SLC24A4: variants seen among roughly 807,000 people sequenced by gnomAD.
SLC24A4 encodes the protein solute carrier family 24 member 4.
A neutral mutation model predicts 79.0 loss-of-function variants in SLC24A4; 53 were observed. That is an observed-to-expected ratio of 0.67 (90% CI 0.54 to 0.84). The LOEUF (loss-of-function observed/expected upper bound fraction) is 0.84, where lower values mean the gene tolerates loss of function less well. Ranked by LOEUF, SLC24A4 falls within the 40% of genes least tolerant of loss-of-function variation. The probability of loss-of-function intolerance (pLI) is 0.00; values close to 1 mark genes in which losing one functional copy is unlikely to be tolerated. For synonymous variants in SLC24A4, 323 were observed against 323.8 expected (o/e 1.00, Z 0.03); for missense variants, 731 against 822.0 (o/e 0.89, Z 1.35).
At chr14:92,324,059 G>T in intron 1 of SLC24A4, 99 bp downstream of exon 1, 1 of 1,484,794 alleles carries the variant, frequency 6.7e-7, no homozygotes, top group South Asian at 1.3e-5. Flanking sequence ...TTCCTCATCA[G>T]GTTGGTCCCA....
intron 2 of SLC24A4, among the ~76,000 whole-genome samples, chr14:92,427,180 C>T (rs572518045): frequency 5.2e-5 from 8 of 152,386 alleles, no homozygotes; most frequent in African/African-American, 1.9e-4. Flanking sequence ...AGGGCCAGTG[C>T]ACCATCTCCT....
intron 2 of SLC24A4, among the ~76,000 whole-genome samples, chr14:92,377,878 G>A (rs1050985193): frequency 7.9e-5 from 12 of 152,020 alleles, no homozygotes; most frequent in Non-Finnish European, 4.4e-5. Flanking sequence ...ATGAAGGTGA[G>A]GAAGAAGGGC....
Position 92,474,116 on chromosome 14 carries a change from G to A in SLC24A4, c.1256-8564G>A, listed in dbSNP as rs1214620513. ...TGTTTCCTGGTGATCTGGTCTCTTG[G>A]CATAAGTTCAGGAAATATCTAACTT... On this transcript the variant is annotated intron_variant, in intron 12 of 16. Coordinates refer to ENST00000532405, the MANE Select transcript of SLC24A4 (RefSeq NM_153646.4). Among the ~76,000 whole-genome samples, 4 of 152,282 alleles carry A rather than the reference G, an allele frequency of 2.6e-5. No homozygotes were observed. In the South Asian group the frequency reaches 8.3e-4, roughly 32 times the overall value.
chr14:92,457,752 C>T (rs1056463874), intron 12 of SLC24A4, among the ~76,000 whole-genome samples: 2 of 152,216 alleles, frequency 1.3e-5, no homozygotes, highest in Non-Finnish European at 2.9e-5. Context: ...TTCTGATGTC[C>T]ACCATCCTGA....
chr14:92,353,304 T>C lies in SLC24A4; in HGVS notation c.241+27326T>C, dbSNP rs888179596. 2.0e-5 allele frequency among the ~76,000 whole-genome samples: 3 copies of C among 152,242 alleles called. No homozygotes were observed. Among genetic ancestry groups the C allele is most frequent in the African/African-American group, 7.2e-5 (3 of 41,460 alleles). On this transcript the variant is annotated intron_variant, in intron 2 of 16. Transcript: ENST00000532405. This position sits in a 1 kb window ranked among gnomAD's most constrained non-coding sequence, Gnocchi z 4.1. ...CCATCCTTTAATCATCTACATAGTA[T>C]TCTATTGTGCGGATGTGCTATGATC...
At chr14:92,434,312 G>T (rs1304745428) in intron 3 of SLC24A4, among the ~76,000 whole-genome samples, 2 of 152,180 alleles carry the variant, frequency 1.3e-5, no homozygotes, top group Admixed American at 1.3e-4. Context: ...GGGCATCAGT[G>T]TTGCGTGGCA....
intron 2 of SLC24A4, among the ~76,000 whole-genome samples, chr14:92,395,273 G>A (rs892719897): frequency 6.6e-6 from 1 of 152,134 alleles, no homozygotes; most frequent in Non-Finnish European, 1.5e-5. Flanking sequence ...CCCACACTTG[G>A]TGTGTGGAAG....
At chr14:92,467,803 G>A (rs771787029) in intron 12 of SLC24A4, among the ~76,000 whole-genome samples, 2 of 152,168 alleles carry the variant, frequency 1.3e-5, no homozygotes, top group Admixed American at 6.5e-5. Context: ...AAGCCCACAC[G>A]AGCTGCCTTA....
At chr14:92,330,502 G>A (rs745779892) in intron 2 of SLC24A4, among the ~76,000 whole-genome samples, 2 of 152,188 alleles carry the variant, frequency 1.3e-5, no homozygotes, top group African/African-American at 4.8e-5. Flanking sequence ...TGGGAAGCAG[G>A]TCTCTCCATG....
intron 2 of SLC24A4, among the ~76,000 whole-genome samples, chr14:92,347,008 C>G (rs987580564): frequency 1.4e-4 from 21 of 152,200 alleles, no homozygotes; most frequent in Non-Finnish European, 4.4e-5. Context: ...CCTTTATAGC[C>G]CCCACTTCTA....
chr14:92,329,387 T>C (rs1885337657), intron 2 of SLC24A4, among the ~76,000 whole-genome samples: 1 of 152,238 alleles, frequency 6.6e-6, no homozygotes, highest in South Asian at 2.1e-4. Context: ...TTCCTGAAGA[T>C]TCTGCATGGA....
intron 12 of SLC24A4, chr14:92,462,523 G>C (rs1466565389): frequency 6.6e-6 from 1 of 152,176 alleles, no homozygotes; most frequent in African/African-American, 2.4e-5. Flanking sequence ...TCAGCCTCCC[G>C]AGTAGCTGGG....
At chr14:92,399,938 C>T (rs1264754608) in intron 2 of SLC24A4, among the ~76,000 whole-genome samples, 2 of 152,000 alleles carry the variant, frequency 1.3e-5, no homozygotes, top group Non-Finnish European at 2.9e-5. Flanking sequence ...TTTACTCTGT[C>T]ATCCAGGCTG....
At chr14:92,342,049 G>A (rs1056631538) in intron 2 of SLC24A4, among the ~76,000 whole-genome samples, 1 of 152,100 alleles carries the variant, frequency 6.6e-6, no homozygotes, top group Non-Finnish European at 1.5e-5. Context: ...GGGGAAGTTG[G>A]TACCTAATTT....
At chr14:92,474,865 T>TATA (rs1566795878) in intron 12 of SLC24A4, among the ~76,000 whole-genome samples, 5 of 30,946 alleles carry the variant, frequency 1.6e-4, no homozygotes, top group Admixed American at 5.5e-4. Context: ...ATATATATAT[T>TATA]TTTTTTTTTT....
chr14:92,468,225 G>C (rs896837383), intron 12 of SLC24A4, among the ~76,000 whole-genome samples: 15 of 152,184 alleles, frequency 9.9e-5, no homozygotes, highest in South Asian at 6.2e-4. Context: ...TACAAGACTT[G>C]TATGCTGAAT....
intron 7 of SLC24A4, 79 bp from the exon 8 acceptor site, chr14:92,445,238 T>A: frequency 1.3e-6 from 2 of 1,538,650 alleles, no homozygotes; most frequent in Non-Finnish European, 1.8e-6. Context: ...TGGCTCTGGG[T>A]GCCTGGGTGT....
At chr14:92,480,642 G>C (rs1895016639) in intron 12 of SLC24A4, among the ~76,000 whole-genome samples, 1 of 151,994 alleles carries the variant, frequency 6.6e-6, no homozygotes, top group Admixed American at 6.6e-5. Flanking sequence ...CCTAAGTACT[G>C]TTTTCACTAT....
chr14:92,405,748 A>T (rs1442347310), intron 2 of SLC24A4, among the ~76,000 whole-genome samples: 5 of 152,080 alleles, frequency 3.3e-5, no homozygotes, highest in African/African-American at 4.8e-5. Flanking sequence ...GTAAGGGGGA[A>T]ATCTGCCTCC....
Sources: gnomAD v4.1 joint callset for allele counts (sites outside exome capture counted in the v4.1 genomes callset) on GRCh38, gnomAD v4.1.1 for gene constraint, Gnocchi (gnomAD v3.1) non-coding constraint, MANE v1.5 for transcripts, NCBI Gene and HGNC (gene_info 2026-07-23, HGNC 2026-07-21) for gene names.